Variants in INTS3 observed in about 807,000 individuals in gnomAD.
INTS3 encodes integrator complex subunit 3, also known as SOSS complex subunit A.
A neutral mutation model predicts 146.3 loss-of-function variants in INTS3; 34 were observed. That is an observed-to-expected ratio of 0.23 (90% CI 0.18 to 0.31). The LOEUF is 0.31. INTS3 is among the 10% of genes least tolerant of loss of function. INTS3 has a pLI of 1.00. For synonymous variants in INTS3, 475 were observed against 494.9 expected, an observed-to-expected ratio of 0.96 and a Z score of 0.53; for missense variants, 757 against 1,304.2, an observed-to-expected ratio of 0.58 and a Z score of 6.46.
Position 153,729,861 on chromosome 1 carries a change from G to A in INTS3, c.150+1077G>A, listed in dbSNP as rs1189742884. Among the ~76,000 whole-genome samples, 34 of 55,812 alleles carry A rather than the reference G, an allele frequency of 6.1e-4. 1 individual carries two copies. The East Asian group carries it at 9.9e-3, about 16-fold the overall frequency. 36.6% of individuals were successfully genotyped at this position (55,812 alleles called of 152,430 possible). On this transcript the variant is annotated intron_variant, in intron 1 of 29. Transcript: ENST00000318967. ...GCCTGACGACAGAGCGAGAGACCCC[G>A]TCTCAAAAAAAAAAAAAAAAAGAAT...
chr1:153,755,378 C>T (rs1288623556), intron 9 of INTS3, among the ~76,000 whole-genome samples: 1 of 152,180 alleles, frequency 6.6e-6, no homozygotes, highest in South Asian at 2.1e-4. Flanking sequence ...ATTCTCCTGC[C>T]TCAATCTCCC....
chr1:153,751,110 G>C lies in INTS3; in HGVS notation c.600G>C (p.Lys200Asn). 1 of 1,614,216 alleles carries C rather than the reference G, an allele frequency of 6.2e-7. No homozygotes were observed. Among genetic ancestry groups the C allele is most frequent in the South Asian group, 1.1e-5 (1 of 91,080 alleles). Reference sequence around the variant, plus strand: ...CTCCCTGCAGGGAGTGGGTCCTGAAGAGCAGCATCCTCATTGCCATGGCTG... The same window carrying C: ...CTCCCTGCAGGGAGTGGGTCCTGAACAGCAGCATCCTCATTGCCATGGCTG... ...ILTEQREWVL[K>N]SSILIAMAVY... Residue 200 changes from lysine (K) to asparagine (N), a missense_variant, in exon 7 of 30, where the codon AAG (lysine) becomes AAC (asparagine). Around this residue, in one of 8 missense-constraint regions of INTS3, gnomAD observed 134 missense variants for 243.1 expected, o/e 0.55. Coordinates refer to ENST00000318967, the MANE Select transcript of INTS3 (RefSeq NM_023015.5).
In INTS3 at chr1:153,728,677, G is replaced by A; in HGVS notation, c.43G>A (p.Ala15Thr). 3 of 1,606,028 alleles carry A rather than the reference G, an allele frequency of 1.9e-6. No homozygotes were observed. The highest frequency in any genetic ancestry group is 1.9e-4 in the Middle Eastern group (1 of 5,296). ...AAAAGGGGCGGCAGCAGCAGCAGCT[G>A]CTTCGGGAGCAGCGGGAGGTGGAGG... Reference protein sequence around the residue: ...KGKGAAAAAAASGAAGGGGGG... With the variant: ...KGKGAAAAAATSGAAGGGGGG... The change falls in exon 1 of 30, where the codon GCT becomes ACT. Residue 15 changes from alanine (A) to threonine (T), a missense_variant. By Grantham distance (58) the Ala-to-Thr change is moderately conservative (BLOSUM62 0). This residue lies in a region of INTS3 where 160 missense variants were observed against 193.7 expected (regional missense o/e 0.83). Transcript: ENST00000318967.
chr1:153,737,287 G>A (rs1671331683), intron 1 of INTS3, among the ~76,000 whole-genome samples: 1 of 152,150 alleles, frequency 6.6e-6, no homozygotes, highest in African/African-American at 2.4e-5. Context: ...GTTTTAAAAG[G>A]ACTCAGGAAA....
chr1:153,748,890 A>G (rs1481068753), intron 6 of INTS3, 135 bp downstream of exon 6: 4 of 745,524 alleles, frequency 5.4e-6, no homozygotes, highest in Non-Finnish European at 9.6e-6. Context: ...GGAGAGGGAG[A>G]GACAAGTGTA....
At chr1:153,744,449 A>G (rs1345317567) in intron 3 of INTS3, among the ~76,000 whole-genome samples, 3 of 152,160 alleles carry the variant, frequency 2.0e-5, no homozygotes, top group African/African-American at 7.2e-5. Flanking sequence ...GGACTTAACT[A>G]TCAATATTTG....
At chr1:153,737,601 C>T (rs1056474663) in intron 1 of INTS3, among the ~76,000 whole-genome samples, 56 of 152,180 alleles carry the variant, frequency 3.7e-4, no homozygotes, top group Admixed American at 1.0e-3. Context: ...CAGGTTCAGG[C>T]GATTCCTCTG....
chr1:153,765,507 T>G (rs1015210652), intron 20 of INTS3, among the ~76,000 whole-genome samples: 5 of 151,346 alleles, frequency 3.3e-5, no homozygotes, highest in East Asian at 1.9e-4. Context: ...TGGTTTTGGG[T>G]TTTTTTTTCC....
intron 1 of INTS3, among the ~76,000 whole-genome samples, chr1:153,734,371 A>G (rs1172978378): frequency 6.6e-6 from 1 of 152,202 alleles, no homozygotes; most frequent in Non-Finnish European, 1.5e-5. Context: ...CCTGTTTGGA[A>G]AAGTAATTTC....
At chr1:153,747,709 G>A (rs1671801015) in intron 5 of INTS3, 1 of 310,894 alleles carries the variant, frequency 3.2e-6, no homozygotes, top group Admixed American at 4.4e-5. Context: ...TTGTTCTCAA[G>A]TCCCTGTGCT....
chr1:153,733,458 G>A, intron 1 of INTS3, among the ~76,000 whole-genome samples: 1 of 150,792 alleles, frequency 6.6e-6, no homozygotes, highest in Non-Finnish European at 1.5e-5. Context: ...TGATCTTCCT[G>A]CCTCAGCTTC....
chr1:153,731,901 C>CTT (rs34353204), intron 1 of INTS3, among the ~76,000 whole-genome samples: 1,578 of 65,290 alleles, frequency 0.024, 33 homozygotes, highest in East Asian at 0.028. Context: ...CTTTTTTTAA[C>CTT]TTTTTTTTTT....
intron 22 of INTS3, 54 bp downstream of exon 22, chr1:153,769,015 A>T: frequency 7.1e-7 from 1 of 1,400,524 alleles, no homozygotes. Context: ...CATTAGGGAC[A>T]TAGGGCCTCT....
intron 20 of INTS3, 84 bp from the exon 21 acceptor site, chr1:153,767,589 GT>G: frequency 7.0e-7 from 1 of 1,425,606 alleles, no homozygotes; most frequent in Non-Finnish European, 9.4e-7. Flanking sequence ...CAGCAAAGCA[GT>G]TTTAGAGCGG....
intron 1 of INTS3, among the ~76,000 whole-genome samples, chr1:153,729,780 C>T (rs1670995054): frequency 6.6e-6 from 1 of 150,888 alleles, no homozygotes; most frequent in East Asian, 1.9e-4. Flanking sequence ...GCAGGAGAAT[C>T]GCTTGAACCC....
At chr1:153,730,287 A>G (rs1304397977) in intron 1 of INTS3, among the ~76,000 whole-genome samples, 2 of 152,210 alleles carry the variant, frequency 1.3e-5, no homozygotes, top group Non-Finnish European at 2.9e-5. Flanking sequence ...TAAGGTAGAT[A>G]TAATTATGAA....
chr1:153,747,273 C>T lies in INTS3; in HGVS notation c.433-6C>T, dbSNP rs1033032837. 1.9e-6 allele frequency: 3 copies of T among 1,613,320 alleles called. No individual in the cohort carries two copies. Among genetic ancestry groups the T allele is most frequent in the Admixed American group, 3.3e-5 (2 of 60,010 alleles). ...CTCTTCATCTGTTTTTCCCTCTTTC[C>T]TTTAGTTGGTGTGGTTGGTACGGGA... On this transcript the variant is annotated splice_polypyrimidine_tract_variant and splice_region_variant and intron_variant, in intron 4 of 29. Coordinates refer to ENST00000318967, the MANE Select transcript of INTS3 (RefSeq NM_023015.5).
rs368006654 is a variant in INTS3, at chr1:153,741,388, A to G, written c.318+20A>G. 3 of 1,533,368 alleles carry G rather than the reference A, an allele frequency of 2.0e-6. No homozygotes were observed. In the African/African-American group the frequency reaches 4.1e-5, roughly 21 times the overall value. 95.0% of individuals were successfully genotyped at this position (1,533,368 alleles called of 1,614,324 possible). On this transcript the variant is annotated intron_variant, in intron 3 of 29. Transcript: ENST00000318967. ...CAGAAGGTAAGGCACCCTGCTCTGG[A>G]CCCATAAACCCTCCTCATATATGAT...
intron 6 of INTS3, among the ~76,000 whole-genome samples, chr1:153,750,545 C>T (rs1570855313): frequency 6.6e-6 from 1 of 152,084 alleles, no homozygotes; most frequent in Non-Finnish European, 1.5e-5. Flanking sequence ...AGGTTTGTGG[C>T]ATGGTGAGCT....
Sources: gnomAD v4.1 joint callset for allele counts (sites outside exome capture counted in the v4.1 genomes callset) on GRCh38, gnomAD v4.1.1 for gene constraint, gnomAD v4.1.1 regional missense constraint, MANE v1.5 for transcripts, NCBI Gene and HGNC (gene_info 2026-07-23, HGNC 2026-07-21) for gene names.